The following PRH1 variants were observed in gnomAD, a reference collection of about 807,000 sequenced individuals.
PRH1 encodes proline rich protein HaeIII subfamily 1, also known as salivary acidic proline-rich phosphoprotein 1/2.
PRH1 carries 7 observed loss-of-function variants against 7.9 expected under a neutral mutation model. That is an observed-to-expected ratio of 0.89 (90% CI 0.50 to 1.67). PRH1 has a LOEUF of 1.67. PRH1 is among the 40% of genes most tolerant of loss of function. The pLI is 0.00. For missense variants in PRH1, 109 were observed against 223.6 expected (o/e 0.49, Z 3.27); for synonymous variants, 45 against 80.8 (o/e 0.56, Z 2.38).
At chr12:10,899,320 C>CA (rs1949692234) in intron 2 of PRH1, among the ~76,000 whole-genome samples, 1 of 151,954 alleles carries the variant, frequency 6.6e-6, no homozygotes, top group Non-Finnish European at 1.5e-5. Context: ...TTCAGGGGAC[C>CA]AAGTCAGAAT....
chr12:11,171,349 C>G, intron 1 of PRH1: 1 of 1,231,562 alleles, frequency 8.1e-7, no homozygotes, highest in Non-Finnish European at 1.0e-6. Context: ...GGCGGCGACA[C>G]CTGGCTCATG....
chr12:11,153,155 A>G (rs1474286407), intron 1 of PRH1, among the ~76,000 whole-genome samples: 1 of 152,200 alleles, frequency 6.6e-6, no homozygotes, highest in African/African-American at 2.4e-5. Flanking sequence ...GCCATAGAAC[A>G]TTTTAGTGAA....
intron 1 of PRH1, among the ~76,000 whole-genome samples, chr12:11,054,256 CA>C (rs1943268594): frequency 6.6e-6 from 1 of 152,024 alleles, no homozygotes. Flanking sequence ...AAAATTACCC[CA>C]AAAGTGACCT....
chr12:11,031,515 A>T, intron 1 of PRH1: 1 of 701,866 alleles, frequency 1.4e-6, no homozygotes, highest in Non-Finnish European at 2.2e-6. Context: ...TTTATTGAGA[A>T]GAGAGAAAGG....
At chr12:11,071,477 G>A (rs1436625171) in intron 1 of PRH1, among the ~76,000 whole-genome samples, 1 of 152,088 alleles carries the variant, frequency 6.6e-6, no homozygotes, top group African/African-American at 2.4e-5. Flanking sequence ...CAGAGCCAGA[G>A]CACTTTGGGC....
chr12:10,939,654 T>G (rs1237244451), intron 2 of PRH1, among the ~76,000 whole-genome samples: 3 of 151,370 alleles, frequency 2.0e-5, no homozygotes, highest in Non-Finnish European at 4.4e-5. Flanking sequence ...TTGTAAGCAC[T>G]GAGAATTTTT....
chr12:11,118,993 CAAAAAAAAAAAAA>C (rs3983928), downstream of PRH1, among the ~76,000 whole-genome samples: 3 of 75,578 alleles, frequency 4.0e-5, no homozygotes, highest in Admixed American at 1.8e-4. Context: ...GACTCCATCT[CAAAAAAAAAAAAA>C]AAAAAAAAAA....
At chr12:10,926,105 AT>A (rs1467621314) in intron 2 of PRH1, among the ~76,000 whole-genome samples, 1 of 152,248 alleles carries the variant, frequency 6.6e-6, no homozygotes, top group Non-Finnish European at 1.5e-5. Context: ...AAATTAAAAA[AT>A]ATAGATGATT....
intron 1 of PRH1, among the ~76,000 whole-genome samples, chr12:10,987,701 CA>C (rs1035938152): frequency 1.3e-4 from 20 of 151,804 alleles, no homozygotes; most frequent in Non-Finnish European, 2.5e-4. Flanking sequence ...AGACCCCCCC[CA>C]AAAAAATGTA....
intron 1 of PRH1, among the ~76,000 whole-genome samples, chr12:11,167,739 G>A (rs1333906532): frequency 6.6e-6 from 1 of 152,084 alleles, no homozygotes; most frequent in African/African-American, 2.4e-5. Flanking sequence ...TGCTCACCTT[G>A]TAACTTCAGT....
At chr12:10,894,082 G>C (rs1949612658) in intron 2 of PRH1, among the ~76,000 whole-genome samples, 3 of 151,892 alleles carry the variant, frequency 2.0e-5, no homozygotes, top group African/African-American at 7.3e-5. Flanking sequence ...ATGAGATCCT[G>C]TATTTGTTAC....
chr12:11,104,420 G>A (rs1426852684), intron 1 of PRH1, among the ~76,000 whole-genome samples: 1 of 139,918 alleles, frequency 7.1e-6, no homozygotes, highest in Non-Finnish European at 1.5e-5. Flanking sequence ...TACAGTAAAT[G>A]TATTTTTCCA....
chr12:11,031,521 A>ATTTTTTT, intron 1 of PRH1: 1 of 605,994 alleles, frequency 1.7e-6, no homozygotes. Context: ...GAGAAGAGAG[A>ATTTTTTT]AAGGACAAAG....
intron 1 of PRH1, among the ~76,000 whole-genome samples, chr12:11,031,935 A>T (rs1366422251): frequency 6.6e-6 from 1 of 152,214 alleles, no homozygotes. Context: ...CTGATTTGTG[A>T]ATGTGCTGTG....
At chr12:11,033,477 C>T (rs145433590) in intron 1 of PRH1, among the ~76,000 whole-genome samples, 2 of 152,230 alleles carry the variant, frequency 1.3e-5, no homozygotes, top group African/African-American at 4.8e-5. Flanking sequence ...TGCAGAGAAA[C>T]ATAACTGATA....
intron 1 of PRH1, among the ~76,000 whole-genome samples, chr12:10,999,609 A>G (rs537929836): frequency 6.6e-6 from 1 of 152,320 alleles, no homozygotes; most frequent in African/African-American, 2.4e-5. Context: ...ATCATGCAGG[A>G]TAAGACATGG....
At chr12:10,881,715 T>C (rs547289751) in intron 3 of PRH1, among the ~76,000 whole-genome samples, 2 of 152,358 alleles carry the variant, frequency 1.3e-5, no homozygotes, top group Admixed American at 6.5e-5. Context: ...TTTAGCTCTG[T>C]ACATTTCGGT....
At chr12:10,974,281 C>T (rs138626024) in intron 1 of PRH1, among the ~76,000 whole-genome samples, 36 of 152,338 alleles carry the variant, frequency 2.4e-4, no homozygotes, top group African/African-American at 7.7e-4. Context: ...CCCCAGTCTA[C>T]GAGTGTGTAC....
At chr12:10,998,060 A>G (rs909830873) in intron 1 of PRH1, among the ~76,000 whole-genome samples, 1 of 152,196 alleles carries the variant, frequency 6.6e-6, no homozygotes, top group East Asian at 1.9e-4. Flanking sequence ...AATGAGTTCA[A>G]TGCTGCCTTT....
Sources: allele counts gnomAD v4.1 joint callset (sites outside exome capture counted in the v4.1 genomes callset), GRCh38; gene constraint gnomAD v4.1.1; transcripts MANE v1.5; gene names NCBI Gene and HGNC (gene_info 2026-07-23, HGNC 2026-07-21).